Variants in CCDC171 observed in about 807,000 individuals in gnomAD.
CCDC171 encodes coiled-coil domain-containing protein 171.
CCDC171 carries 177 observed loss-of-function variants against 168.2 expected under a neutral mutation model. That is an observed-to-expected ratio of 1.05 (90% CI 0.93 to 1.19). The LOEUF is 1.19. Ranked by LOEUF, CCDC171 falls within the 50% of genes most tolerant of loss-of-function variation. The pLI is 0.00. For missense variants in CCDC171, 1,991 were observed against 1,539.0 expected (o/e 1.29, Z -4.91); for synonymous variants, 687 against 540.8 (o/e 1.27, Z -3.75).
intron 11 of CCDC171, among the ~76,000 whole-genome samples, chr9:15,704,613 C>G (rs111697290): frequency 6.6e-6 from 1 of 152,102 alleles, no homozygotes; most frequent in South Asian, 2.1e-4. Flanking sequence ...AAACTATTTT[C>G]TTGAATTAAT....
intron 10 of CCDC171, among the ~76,000 whole-genome samples, chr9:15,684,683 T>G (rs1170414021): frequency 3.3e-5 from 5 of 152,162 alleles, no homozygotes; most frequent in Non-Finnish European, 7.4e-5. Flanking sequence ...CATGTTAGAT[T>G]AAGCCAGAAA....
chr9:15,878,042 G>A (rs576766857), intron 24 of CCDC171, among the ~76,000 whole-genome samples: 1 of 152,196 alleles, frequency 6.6e-6, no homozygotes, highest in East Asian at 1.9e-4. Context: ...AGCCAACCTA[G>A]GTAATACCAT....
intron 6 of CCDC171, 59 bp downstream of exon 6, chr9:15,594,231 A>G (rs1422538480): frequency 1.1e-6 from 1 of 948,542 alleles, no homozygotes; most frequent in Non-Finnish European, 1.6e-6. Context: ...GATATTCAAA[A>G]TTACATTAGT....
intron 8 of CCDC171, among the ~76,000 whole-genome samples, chr9:15,658,314 T>C (rs1295307442): frequency 6.6e-6 from 1 of 152,120 alleles, no homozygotes; most frequent in African/African-American, 2.4e-5. Context: ...CAGACAGATA[T>C]GAAATCTAAG....
intron 11 of CCDC171, among the ~76,000 whole-genome samples, chr9:15,707,432 A>G (rs117488235): frequency 0.014 from 2,123 of 152,352 alleles, 31 homozygotes; most frequent in Middle Eastern, 0.024. Flanking sequence ...TGCTTCATCT[A>G]TTCAGAGTAT....
intron 23 of CCDC171, among the ~76,000 whole-genome samples, chr9:15,859,364 C>T (rs1081243): frequency 0.86 from 130,554 of 151,822 alleles, 56,231 homozygotes; most frequent in East Asian, 0.98. Flanking sequence ...TTGTGATGTC[C>T]TTGTCTGGCT....
chr9:15,581,505 G>A (rs1276847944), intron 4 of CCDC171, among the ~76,000 whole-genome samples: 2 of 152,148 alleles, frequency 1.3e-5, no homozygotes, highest in Non-Finnish European at 2.9e-5. Flanking sequence ...AAAGCTGGAG[G>A]TATCACGCTA....
intron 3 of CCDC171, among the ~76,000 whole-genome samples, chr9:15,577,169 GT>G (rs1296520873): frequency 6.6e-6 from 1 of 152,130 alleles, no homozygotes; most frequent in Non-Finnish European, 1.5e-5. Flanking sequence ...AGATTTCCAG[GT>G]TTGTTCATAA....
the CCDC171 span, among the ~76,000 whole-genome samples, chr9:16,079,851 T>C: frequency 6.6e-6 from 1 of 152,222 alleles, no homozygotes. Context: ...TAGGCACTTA[T>C]ATTAACTCCT....
At chr9:15,905,711 TC>T (rs1278379790) in intron 24 of CCDC171, among the ~76,000 whole-genome samples, 1 of 152,026 alleles carries the variant, frequency 6.6e-6, no homozygotes, top group Non-Finnish European at 1.5e-5. Flanking sequence ...AAAAAACCCT[TC>T]AAAAAATCAA....
At chr9:16,025,185 T>A (rs1833251892) in intron 6 of CCDC171, among the ~76,000 whole-genome samples, 1 of 152,240 alleles carries the variant, frequency 6.6e-6, no homozygotes. Flanking sequence ...CTCACACCTG[T>A]AATCTCAGCA....
chr9:15,601,168 G>C (rs2042822424), intron 6 of CCDC171, among the ~76,000 whole-genome samples: 1 of 152,160 alleles, frequency 6.6e-6, no homozygotes, highest in African/African-American at 2.4e-5. Flanking sequence ...ACAATCCTCA[G>C]TGAGATGAAC....
In CCDC171 at chr9:15,817,970, C is replaced by G. The variant is rs573911818; in HGVS notation, c.3268-28732C>G. ...GGTAGGGGCAGACTGACACCTCACA[C>G]GGCCGGGTACTCCTCTGAGACAAAA... On this transcript the variant is annotated intron_variant, in intron 21 of 25. Coordinates refer to ENST00000380701, the MANE Select transcript of CCDC171 (RefSeq NM_173550.4). 1.7e-5 allele frequency among the ~76,000 whole-genome samples: 2 copies of G among 117,052 alleles called. 1 individual carries two copies. The highest frequency in any genetic ancestry group is 6.4e-5 in the African/African-American group (2 of 31,088). The allele number at this position is 117,052 out of a possible 152,430, so 76.8% of individuals were successfully genotyped here.
chr9:15,969,030 C>T (rs1412893845), intron 25 of CCDC171, among the ~76,000 whole-genome samples: 1 of 152,028 alleles, frequency 6.6e-6, no homozygotes, highest in Non-Finnish European at 1.5e-5. Context: ...TTAAGGAAAT[C>T]TCTCTGTCTC....
chr9:15,899,319 T>C (rs1821327816), intron 24 of CCDC171, among the ~76,000 whole-genome samples: 1 of 151,554 alleles, frequency 6.6e-6, no homozygotes, highest in South Asian at 2.1e-4. Context: ...AGTTTCTGTT[T>C]GGGCACAAGT....
At chr9:16,089,419 T>A in the CCDC171 span, among the ~76,000 whole-genome samples, 1 of 152,120 alleles carries the variant, frequency 6.6e-6, no homozygotes, top group Non-Finnish European at 1.5e-5. Context: ...TTGTTGCCAT[T>A]GCTTTTGGTG....
chr9:15,605,305 C>A (rs780336576), intron 6 of CCDC171, among the ~76,000 whole-genome samples: 9 of 152,046 alleles, frequency 5.9e-5, no homozygotes, highest in Non-Finnish European at 1.3e-4. Context: ...CATTTCTTTT[C>A]TTCTGGAAAA....
chr9:15,632,664 A>G (rs1024343612), intron 7 of CCDC171, among the ~76,000 whole-genome samples: 5 of 152,194 alleles, frequency 3.3e-5, no homozygotes, highest in African/African-American at 1.2e-4. Flanking sequence ...AGAATTGGAA[A>G]AAACTACTTT....
intron 25 of CCDC171, among the ~76,000 whole-genome samples, chr9:15,953,357 A>C (rs978000288): frequency 1.3e-5 from 2 of 152,130 alleles, no homozygotes; most frequent in Non-Finnish European, 2.9e-5. Context: ...ATTTCCTTCT[A>C]TTCCTAGTTT....
Sources: gnomAD v4.1 joint callset for allele counts (sites outside exome capture counted in the v4.1 genomes callset) on GRCh38, gnomAD v4.1.1 for gene constraint, MANE v1.5 for transcripts, NCBI Gene and HGNC (gene_info 2026-07-23, HGNC 2026-07-21) for gene names.